Variants in LRP1B observed in about 807,000 individuals in gnomAD.
LRP1B encodes low-density lipoprotein receptor-related protein 1B.
Under a neutral mutation model 556.6 loss-of-function variants are expected in LRP1B, and 217 were observed. The observed-to-expected ratio is 0.39, with a 90% CI of 0.35 to 0.44. The LOEUF (loss-of-function observed/expected upper bound fraction) is 0.44. LRP1B is among the 20% of genes least tolerant of loss of function. The pLI is 1.00. For synonymous variants in LRP1B, 2,047 were observed against 1,865.8 expected (o/e 1.10, Z -2.50); for missense variants, 5,053 against 5,620.8 (o/e 0.90, Z 3.23).
intron 1 of LRP1B, among the ~76,000 whole-genome samples, chr2:141,998,196 A>C (rs1404254982): frequency 6.6e-6 from 1 of 152,152 alleles, no homozygotes; most frequent in Non-Finnish European, 1.5e-5. Context: ...ATTTAAAACT[A>C]TCTGAATTAT....
At chr2:141,177,746 A>G (rs1680797574) in intron 7 of LRP1B, among the ~76,000 whole-genome samples, 1 of 152,122 alleles carries the variant, frequency 6.6e-6, no homozygotes, top group Non-Finnish European at 1.5e-5. Flanking sequence ...CAATATTAGA[A>G]CTTCTAATAT....
At chr2:140,255,899 C>CT (rs1231606648) in intron 86 of LRP1B, among the ~76,000 whole-genome samples, 1 of 151,856 alleles carries the variant, frequency 6.6e-6, no homozygotes, top group Admixed American at 6.6e-5. Context: ...AATTTTATTC[C>CT]TTCTTTCTTT....
At chr2:141,285,883 G>A (rs1332834992) in intron 3 of LRP1B, among the ~76,000 whole-genome samples, 4 of 149,216 alleles carry the variant, frequency 2.7e-5, no homozygotes, top group South Asian at 2.1e-4. Context: ...CGGCTACAAC[G>A]GTGAAACCCC....
intron 7 of LRP1B, among the ~76,000 whole-genome samples, chr2:141,169,493 G>A (rs1680407071): frequency 6.6e-6 from 1 of 151,768 alleles, no homozygotes; most frequent in Admixed American, 6.6e-5. Flanking sequence ...GACAGGTACA[G>A]GTAATTGAAG....
chr2:140,691,197 C>T lies in LRP1B; in HGVS notation c.6799+9053G>A, dbSNP rs528709641. On this transcript the variant is annotated intron_variant, in intron 41 of 90. Coordinates refer to ENST00000389484, the MANE Select transcript of LRP1B (RefSeq NM_018557.3). ...ACTTAAAAGTGAAATATTGGCAGGG[C>T]GCGGTGGCTCACGCCTGTAATACTA... 3.5e-3 allele frequency among the ~76,000 whole-genome samples: 525 copies of T among 152,022 alleles called. 2 individuals carry two copies. The highest frequency in any genetic ancestry group is 6.0e-3 in the Admixed American group (91 of 15,250).
intron 23 of LRP1B, among the ~76,000 whole-genome samples, chr2:140,889,475 T>C (rs907111260): frequency 5.9e-5 from 9 of 152,180 alleles, no homozygotes; most frequent in Non-Finnish European, 1.2e-4. Context: ...TTTGTATTTT[T>C]AGTAGAGACA....
At chr2:140,541,644 C>T in intron 44 of LRP1B, 135 bp downstream of exon 44, 1 of 678,950 alleles carries the variant, frequency 1.5e-6, no homozygotes, top group Non-Finnish European at 2.3e-6. Context: ...AAACAAAATC[C>T]ACAGTCATAG....
Position 141,336,623 on chromosome 2 carries a change from C to T in LRP1B, c.344-81982G>A, listed in dbSNP as rs560329763. Among the ~76,000 whole-genome samples, 25 of 152,172 alleles carry T rather than the reference C, an allele frequency of 1.6e-4. No homozygotes were observed. In the South Asian group the frequency reaches 4.2e-3, roughly 25 times the overall value. ...ATGTAGTTCTATTAATTTTAATACA[C>T]GTATAGATTGATGTAACCATCATTA... On this transcript the variant is annotated intron_variant, in intron 3 of 90. Coordinates refer to ENST00000389484, the MANE Select transcript of LRP1B (RefSeq NM_018557.3).
intron 3 of LRP1B, among the ~76,000 whole-genome samples, chr2:141,397,304 C>G (rs1461507510): frequency 6.6e-6 from 1 of 150,946 alleles, no homozygotes; most frequent in Non-Finnish European, 1.5e-5. Context: ...TAGATATTTC[C>G]CTCAGTTAAA....
chr2:140,260,524 T>C (rs1040213693), intron 86 of LRP1B, among the ~76,000 whole-genome samples: 4 of 151,810 alleles, frequency 2.6e-5, no homozygotes, highest in African/African-American at 9.7e-5. Context: ...TATATATTAA[T>C]ATATGTATAT....
Position 141,447,424 on chromosome 2 carries a change from A to C in LRP1B, c.343+32972T>G, listed in dbSNP as rs144760762. Among the ~76,000 whole-genome samples, 520 of 152,002 alleles carry C rather than the reference A, an allele frequency of 3.4e-3. 2 individuals are homozygous for C. The highest frequency in any genetic ancestry group is 0.024 in the Middle Eastern group (7 of 292). On this transcript the variant is annotated intron_variant, in intron 3 of 90. Coordinates refer to ENST00000389484, the MANE Select transcript of LRP1B (RefSeq NM_018557.3). ...TGAAGCCTACTTCTGTCAATTTGTC[A>C]AACTCATTCTCCATCTAGTTTTGTG... is the stretch of plus-strand genomic sequence containing the variant.
intron 83 of LRP1B, among the ~76,000 whole-genome samples, chr2:140,310,038 T>A (rs758178365): frequency 1.3e-5 from 2 of 151,772 alleles, no homozygotes; most frequent in Admixed American, 1.3e-4. Context: ...AATTGCTTGC[T>A]GCAAAGTTTG....
chr2:141,673,666 G>GTTTTT (rs1396094386), intron 2 of LRP1B, among the ~76,000 whole-genome samples: 1 of 152,032 alleles, frequency 6.6e-6, no homozygotes, highest in East Asian at 1.9e-4. Flanking sequence ...TATAATAATA[G>GTTTTT]TTTTTTAGAT....
At chr2:141,900,469 T>C (rs1699584871) in intron 1 of LRP1B, among the ~76,000 whole-genome samples, 1 of 152,044 alleles carries the variant, frequency 6.6e-6, no homozygotes, top group African/African-American at 2.4e-5. Context: ...TAAATACCTG[T>C]AATAATATTC....
rs1189031591 is a variant in LRP1B, at chr2:140,357,959, T to C, written c.11395+20A>G. On this transcript the variant is annotated intron_variant, in intron 74 of 90. Transcript: ENST00000389484. ...AGACTTGTGTATCCCGGTGCTTTGC[T>C]TAACAGAAAACAAGCTCACCTATTC... 1.2e-6 allele frequency: 2 copies of C among 1,601,440 alleles called. No homozygotes were observed. Among genetic ancestry groups the C allele is most frequent in the Non-Finnish European group, 1.7e-6 (2 of 1,171,310 alleles).
chr2:141,950,354 C>G (rs1172519960), intron 1 of LRP1B, among the ~76,000 whole-genome samples: 1 of 152,098 alleles, frequency 6.6e-6, no homozygotes, highest in Non-Finnish European at 1.5e-5. Flanking sequence ...TAACCATTCA[C>G]TCAGGACATT....
intron 7 of LRP1B, among the ~76,000 whole-genome samples, chr2:141,111,192 AT>A (rs1235170958): frequency 2.0e-5 from 3 of 152,198 alleles, no homozygotes; most frequent in African/African-American, 4.8e-5. Context: ...TCAGAAAAAA[AT>A]TAAAAGCAAA....
chr2:141,060,514 ACT>A (rs1161469820), intron 8 of LRP1B, among the ~76,000 whole-genome samples: 1 of 151,338 alleles, frequency 6.6e-6, no homozygotes, highest in African/African-American at 2.4e-5. Context: ...CAAGCTCAAG[ACT>A]CTTCCTTTGC....
chr2:140,777,504 A>G (rs1443324628), intron 32 of LRP1B, among the ~76,000 whole-genome samples: 1 of 152,198 alleles, frequency 6.6e-6, no homozygotes, highest in African/African-American at 2.4e-5. Context: ...CTCAAGGAAG[A>G]TACCAAGTGA....
Sources: gnomAD v4.1 joint callset for allele counts (sites outside exome capture counted in the v4.1 genomes callset) on GRCh38, gnomAD v4.1.1 for gene constraint, MANE v1.5 for transcripts, NCBI Gene and HGNC (gene_info 2026-07-23, HGNC 2026-07-21) for gene names.